The following PCOLCE2 variants were observed in gnomAD, a reference collection of about 807,000 sequenced individuals.
PCOLCE2 encodes procollagen C-proteinase enhancer 2.
In PCOLCE2, 42 loss-of-function variants were observed where a neutral mutation model predicts 47.0. The ratio of observed to expected loss-of-function variants is 0.89; its 90% CI spans 0.70 to 1.16. PCOLCE2 has a LOEUF of 1.16. Among genes scored for constraint, PCOLCE2 ranks in the 50% most tolerant of loss-of-function variants. PCOLCE2 has a pLI of 0.00. For missense variants in PCOLCE2, 500 were observed against 526.1 expected, an observed-to-expected ratio of 0.95 and a Z score of 0.49; for synonymous variants, 169 against 191.7, an observed-to-expected ratio of 0.88 and a Z score of 0.98.
chr3:142,848,121 A>G, intron 3 of PCOLCE2, 96 bp downstream of exon 3: 2 of 1,288,376 alleles, frequency 1.6e-6, no homozygotes, highest in South Asian at 2.8e-5. Context: ...GCTCTTTGAG[A>G]ACCACTCTTA....
intron 3 of PCOLCE2, among the ~76,000 whole-genome samples, chr3:142,844,222 C>T (rs572620935): frequency 3.3e-5 from 5 of 152,122 alleles, no homozygotes; most frequent in Non-Finnish European, 7.3e-5. Flanking sequence ...TGCATCTCTT[C>T]CCATCCTGCC....
At chr3:142,843,358 T>C (rs949199110) in intron 3 of PCOLCE2, 3 of 458,604 alleles carry the variant, frequency 6.5e-6, no homozygotes, top group African/African-American at 2.0e-5. Flanking sequence ...CTCAGAAAGC[T>C]TGCAGGCTCA....
chr3:142,883,203 A>G (rs1046400808), intron 2 of PCOLCE2, among the ~76,000 whole-genome samples: 2 of 149,538 alleles, frequency 1.3e-5, no homozygotes, highest in Admixed American at 6.6e-5. Context: ...CGTCTCAAAA[A>G]AAAAAAAAAA....
At chr3:142,863,385 T>A (rs1431210243) in intron 2 of PCOLCE2, among the ~76,000 whole-genome samples, 1 of 152,208 alleles carries the variant, frequency 6.6e-6, no homozygotes, top group Non-Finnish European at 1.5e-5. Context: ...CATGTCAGGT[T>A]AAGATATTTG....
intron 5 of PCOLCE2, among the ~76,000 whole-genome samples, chr3:142,830,096 A>G (rs1224070751): frequency 6.6e-6 from 1 of 152,148 alleles, no homozygotes; most frequent in Non-Finnish European, 1.5e-5. Flanking sequence ...CTCTTTTTTT[A>G]TGGAAAAGGC....
Position 142,842,599 on chromosome 3 carries a change from C to T in PCOLCE2, c.573+325G>A, listed in dbSNP as rs1937276192. 6.6e-6 allele frequency among the ~76,000 whole-genome samples: 1 copy of T among 151,966 alleles called. No homozygotes were observed. Among genetic ancestry groups the T allele is most frequent in the Admixed American group, 6.5e-5 (1 of 15,270 alleles). On this transcript the variant is annotated intron_variant, in intron 4 of 8. Coordinates refer to ENST00000295992, the MANE Select transcript of PCOLCE2 (RefSeq NM_013363.4). The surrounding 1 kb of genome is among the most constrained non-coding windows in gnomAD (Gnocchi z 4.1). ...CTAAAAAAATACAAAATTAGCCGGG[C>T]GTGGTGGCGCGTGCCTGTAATCTCA...
chr3:142,856,249 T>C (rs1337861877), intron 2 of PCOLCE2, among the ~76,000 whole-genome samples: 1 of 152,034 alleles, frequency 6.6e-6, no homozygotes, highest in Non-Finnish European at 1.5e-5. Context: ...GGGAGAAAAT[T>C]CAGAATCATC....
At chr3:142,836,385 AG>A (rs1937204487) in intron 5 of PCOLCE2, among the ~76,000 whole-genome samples, 1 of 152,222 alleles carries the variant, frequency 6.6e-6, no homozygotes, top group Non-Finnish European at 1.5e-5. Flanking sequence ...CTGCAAGCAC[AG>A]TCTGTTAGAA....
At position 142,821,012 on chromosome 3, in the gene PCOLCE2, C is replaced by T. The variant is rs139771484; in HGVS notation, c.983G>A (p.Arg328His). ...GACTGTGGCGTGCAAACTCCCATCG[C>T]GAGTGATGGTTGTGATAACAGTGCC... is the stretch of plus-strand genomic sequence containing the variant. The part of the protein sequence containing the change: ...LAGTVITTIT[R>H]DGSLHATVSI... The change falls in exon 8 of 9, where the codon CGC becomes CAC. Residue 328 changes from arginine (R) to histidine (H), a missense_variant. Physicochemically the swap from Arg to His is conservative, Grantham distance 29. Transcript: ENST00000295992. The T allele has an allele frequency of 1.4e-4, 223 of 1,612,974 alleles. No homozygotes were observed. The highest frequency in any genetic ancestry group is 1.7e-4 in the Middle Eastern group (1 of 6,054).
rs143357502 is a variant in PCOLCE2 at position 142,839,024 on chromosome 3, T to C, written c.574-118A>G. The C allele has an allele frequency of 5.3e-4, 396 of 741,098 alleles. No individual in the cohort carries two copies. The African/African-American group carries it at 6.5e-3, about 12-fold the overall frequency. The allele number at this position is 741,098 out of a possible 1,614,324, so 45.9% of individuals were successfully genotyped here. A position where few individuals can be genotyped will look rare whatever the true frequency, so the allele number is the denominator to read the frequency against. On this transcript the variant is annotated intron_variant, in intron 4 of 8. Transcript: ENST00000295992. ...CTACGATTTTCCTTTGTAAAAAAAG[T>C]ATGCATTAAGTGCTTTTTGTTGCAT...
chr3:142,873,723 C>T (rs1933443394), intron 2 of PCOLCE2, among the ~76,000 whole-genome samples: 2 of 152,150 alleles, frequency 1.3e-5, no homozygotes, highest in African/African-American at 4.8e-5. Flanking sequence ...ACCCAAACAG[C>T]CTGCTGCTTT....
chr3:142,880,324 A>G (rs1057262928), intron 2 of PCOLCE2, among the ~76,000 whole-genome samples: 2 of 152,004 alleles, frequency 1.3e-5, no homozygotes, highest in African/African-American at 2.4e-5. Flanking sequence ...GCCAAGAAAT[A>G]TGTGTTTAAA....
chr3:142,844,675 A>AT (rs1369991085), intron 3 of PCOLCE2, among the ~76,000 whole-genome samples: 1 of 152,096 alleles, frequency 6.6e-6, no homozygotes, highest in African/African-American at 2.4e-5. Flanking sequence ...TCATGCACTT[A>AT]TTGGCCATTC....
intron 2 of PCOLCE2, among the ~76,000 whole-genome samples, chr3:142,873,752 G>A (rs1424573403): frequency 1.3e-5 from 2 of 152,162 alleles, no homozygotes; most frequent in African/African-American, 4.8e-5. Context: ...CACCGATGTT[G>A]GTACACTGAC....
chr3:142,868,688 A>G (rs1051186001), intron 2 of PCOLCE2, among the ~76,000 whole-genome samples: 2 of 152,110 alleles, frequency 1.3e-5, no homozygotes, highest in African/African-American at 4.8e-5. Flanking sequence ...AGCAGATCAG[A>G]ATTAGTTTAG....
chr3:142,848,106 C>T, intron 3 of PCOLCE2, 111 bp downstream of exon 3: 1 of 1,086,766 alleles, frequency 9.2e-7, no homozygotes, highest in Non-Finnish European at 1.3e-6. Context: ...TGATGGCATT[C>T]ACTAGCTCTT....
chr3:142,847,173 A>G (rs1937336558), intron 3 of PCOLCE2, among the ~76,000 whole-genome samples: 2 of 152,124 alleles, frequency 1.3e-5, no homozygotes, highest in South Asian at 4.1e-4. Context: ...ATCTCTTTTC[A>G]GTTCTTTCAT....
intron 2 of PCOLCE2, among the ~76,000 whole-genome samples, chr3:142,883,383 G>C (rs1448810115): frequency 1.3e-5 from 2 of 151,968 alleles, no homozygotes; most frequent in African/African-American, 4.8e-5. Context: ...ACTCTAAATA[G>C]AGTTGCTTTC....
Position 142,843,159 on chromosome 3 carries a change from G to A in PCOLCE2, c.449-111C>T, listed in dbSNP as rs565913904. Reference sequence around the variant, plus strand: ...TTTGGTGAGAGTACAGTAAATAAAGGCAACAGCAGAAGCGCTTACATTTTC... The same window carrying A: ...TTTGGTGAGAGTACAGTAAATAAAGACAACAGCAGAAGCGCTTACATTTTC... On this transcript the variant is annotated intron_variant, in intron 3 of 8. Transcript: ENST00000295992. The A allele has an allele frequency of 5.7e-6, 6 of 1,050,920 alleles. No homozygotes were observed. The African/African-American group carries it at 7.9e-5, about 14-fold the overall frequency. 65.1% of individuals were successfully genotyped at this position (1,050,920 alleles called of 1,614,324 possible).
Sources: gnomAD v4.1 joint callset for allele counts (sites outside exome capture counted in the v4.1 genomes callset) on GRCh38, gnomAD v4.1.1 for gene constraint, Gnocchi (gnomAD v3.1) non-coding constraint, MANE v1.5 for transcripts, NCBI Gene and HGNC (gene_info 2026-07-23, HGNC 2026-07-21) for gene names.